The following ROBO1 variants were observed in gnomAD, a reference collection of about 807,000 sequenced individuals.
ROBO1 encodes the protein roundabout homolog 1.
Under a neutral mutation model 195.9 loss-of-function variants are expected in ROBO1, and 149 were observed. That is an observed-to-expected ratio of 0.76 (90% CI 0.67 to 0.87). The LOEUF (loss-of-function observed/expected upper bound fraction) is 0.87, where lower values mean the gene tolerates loss of function less well. ROBO1 is among the 40% of genes least tolerant of loss of function. ROBO1 has a pLI of 0.00. For missense variants in ROBO1, 1,933 were observed against 2,068.3 expected (o/e 0.93, Z 1.27); for synonymous variants, 816 against 733.2 (o/e 1.11, Z -1.82).
chr3:79,192,518 TACAA>T (rs1394858957), intron 2 of ROBO1, among the ~76,000 whole-genome samples: 2 of 151,624 alleles, frequency 1.3e-5, no homozygotes, highest in Non-Finnish European at 3.0e-5. Context: ...TGAGCTGAGA[TACAA>T]ACAATTAGCA....
chr3:79,252,205 A>G (rs904454548), intron 2 of ROBO1, among the ~76,000 whole-genome samples: 6 of 152,128 alleles, frequency 3.9e-5, no homozygotes, highest in African/African-American at 1.4e-4. Context: ...TATTATGTGT[A>G]TTTGGGTTGG....
At chr3:79,001,147 G>A (rs2077494881) in intron 3 of ROBO1, among the ~76,000 whole-genome samples, 1 of 152,020 alleles carries the variant, frequency 6.6e-6, no homozygotes, top group African/African-American at 2.4e-5. Flanking sequence ...GGGAGGGAGA[G>A]CATTAGGACA....
chr3:79,452,131 T>C (rs2039461917), intron 2 of ROBO1, among the ~76,000 whole-genome samples: 1 of 152,128 alleles, frequency 6.6e-6, no homozygotes, highest in South Asian at 2.1e-4. Flanking sequence ...TGTCTCCAAA[T>C]CCACCTTTGT....
intron 8 of ROBO1, among the ~76,000 whole-genome samples, chr3:78,708,695 C>T (rs75259630): frequency 0.013 from 2,041 of 152,198 alleles, 19 homozygotes; most frequent in Non-Finnish European, 0.017. Context: ...TGTTTAAAAA[C>T]GTGGCAGGGT....
At chr3:79,658,526 A>G (rs1197776469) in intron 1 of ROBO1, among the ~76,000 whole-genome samples, 10 of 152,090 alleles carry the variant, frequency 6.6e-5, no homozygotes, top group Admixed American at 2.0e-4. Flanking sequence ...ATGTGTTAAA[A>G]TTTTAGGTAC....
rs34364869 is a variant in ROBO1, at chr3:78,920,624, G to GTTTTTTTT, written c.499+17969_499+17976dup. ...CCAGCCTTTCTTTTTCTTTCTTTCA[G>GTTTTTTTT]TTTTTTTTTTTTTTTTTTTTTTTTT... On this transcript the variant is annotated intron_variant, in intron 4 of 30. Transcript: ENST00000464233. 1.2e-3 allele frequency among the ~76,000 whole-genome samples: 76 copies of GTTTTTTTT among 60,948 alleles called. 2 individuals are homozygous for GTTTTTTTT. The highest frequency in any genetic ancestry group is 5.1e-3 in the African/African-American group (69 of 13,478). The allele number at this position is 60,948 out of a possible 152,430, so 40.0% of individuals were successfully genotyped here.
chr3:79,205,663 C>T (rs1173897522), intron 2 of ROBO1, among the ~76,000 whole-genome samples: 1 of 152,076 alleles, frequency 6.6e-6, no homozygotes, highest in Non-Finnish European at 1.5e-5. Context: ...ATGAATTATA[C>T]TCTGGGGAAA....
At chr3:78,614,598 G>C in intron 28 of ROBO1, 50 bp downstream of exon 28, 1 of 1,593,624 alleles carries the variant, frequency 6.3e-7, no homozygotes, top group Middle Eastern at 1.8e-4. Context: ...AGAGAGGCAG[G>C]GTAAATAGGC....
intron 1 of ROBO1, among the ~76,000 whole-genome samples, chr3:79,634,941 T>C (rs1408938453): frequency 6.6e-6 from 1 of 152,224 alleles, no homozygotes; most frequent in Non-Finnish European, 1.5e-5. Context: ...TAATGTTATA[T>C]GGAACTTAAT....
chr3:79,208,515 T>C (rs550233141), intron 2 of ROBO1, among the ~76,000 whole-genome samples: 11 of 152,162 alleles, frequency 7.2e-5, no homozygotes, highest in African/African-American at 2.2e-4. Context: ...AGAGAGAGTA[T>C]AAGAAGGATT....
intron 1 of ROBO1, among the ~76,000 whole-genome samples, chr3:79,750,722 T>C (rs146624458): frequency 4.3e-4 from 65 of 152,308 alleles, no homozygotes; most frequent in African/African-American, 1.5e-3. Context: ...CCTTCCATCA[T>C]GATTGTGAGG....
chr3:79,335,787 G>C (rs2034641513), intron 2 of ROBO1, among the ~76,000 whole-genome samples: 1 of 152,152 alleles, frequency 6.6e-6, no homozygotes, highest in Non-Finnish European at 1.5e-5. Flanking sequence ...GCAGAGGTTG[G>C]AACAGTTTGG....
At position 78,633,931 on chromosome 3, in the gene ROBO1, T is replaced by C. The variant is rs1705330426; in HGVS notation, c.3481+4A>G. The C allele has an allele frequency of 6.3e-7, 1 of 1,587,006 alleles. No individual in the cohort carries two copies. The highest frequency in any genetic ancestry group is 8.6e-7 in the Non-Finnish European group (1 of 1,161,246). On this transcript the variant is annotated splice_donor_region_variant and intron_variant, in intron 24 of 30. Transcript: ENST00000464233. ...GGAGAAGTTCTTTGGTTCATCTTACTTACCAGATGTACTACTGCCCCGGTC... is the reference window on the plus strand; with the variant it reads ...GGAGAAGTTCTTTGGTTCATCTTACCTACCAGATGTACTACTGCCCCGGTC...
At chr3:79,059,734 G>C (rs748470507) in intron 3 of ROBO1, among the ~76,000 whole-genome samples, 1 of 152,036 alleles carries the variant, frequency 6.6e-6, no homozygotes, top group African/African-American at 2.4e-5. Flanking sequence ...TCCTATGCCT[G>C]TCTTTACTTT....
chr3:78,926,188 A>T (rs953391722), intron 4 of ROBO1, among the ~76,000 whole-genome samples: 1 of 152,128 alleles, frequency 6.6e-6, no homozygotes, highest in African/African-American at 2.4e-5. Flanking sequence ...ATTTTACTAG[A>T]TCAAAGGGAT....
intron 3 of ROBO1, among the ~76,000 whole-genome samples, chr3:79,021,566 T>C (rs941937347): frequency 3.3e-5 from 5 of 152,102 alleles, no homozygotes; most frequent in African/African-American, 1.2e-4. Context: ...ATTTATCTCA[T>C]TGAATGCAAA....
chr3:79,214,674 C>T (rs940895980), intron 2 of ROBO1, among the ~76,000 whole-genome samples: 1 of 151,094 alleles, frequency 6.6e-6, no homozygotes, highest in Non-Finnish European at 1.5e-5. Flanking sequence ...AGGTCCAGTG[C>T]TGGTGCTTTT....
intron 5 of ROBO1, among the ~76,000 whole-genome samples, chr3:78,740,799 A>G (rs1357494166): frequency 6.6e-6 from 1 of 152,104 alleles, no homozygotes; most frequent in Non-Finnish European, 1.5e-5. Flanking sequence ...ATTGACTTTC[A>G]TGACACACTT....
intron 2 of ROBO1, chr3:79,532,888 A>G (rs976765700): frequency 1.1e-5 from 2 of 188,048 alleles, no homozygotes; most frequent in Non-Finnish European, 2.3e-5. Context: ...CAATTCCAGC[A>G]TGTATGGTTT....
Sources: allele counts gnomAD v4.1 joint callset (sites outside exome capture counted in the v4.1 genomes callset), GRCh38; gene constraint gnomAD v4.1.1; transcripts MANE v1.5; gene names NCBI Gene and HGNC (gene_info 2026-07-23, HGNC 2026-07-21).